NELL2: variants seen among roughly 807,000 people sequenced by gnomAD.
The protein encoded by NELL2 is protein kinase C-binding protein NELL2.
NELL2 carries 41 observed loss-of-function variants against 109.6 expected under a neutral mutation model. The ratio of observed to expected loss-of-function variants is 0.37; its 90% CI spans 0.29 to 0.49. The LOEUF is 0.49. NELL2 is among the 20% of genes least tolerant of loss of function. NELL2 has a pLI of 0.98. For missense variants in NELL2, 900 were observed against 1,008.3 expected (o/e 0.89, Z 1.45); for synonymous variants, 355 against 344.7 (o/e 1.03, Z -0.33).
In NELL2 at chr12:44,616,517, C is replaced by A. The variant is rs117683399; in HGVS notation, c.1445-5547G>T. Among the ~76,000 whole-genome samples the A allele has an allele frequency of 1.7e-3, 264 of 152,158 alleles. 3 individuals carry two copies. The East Asian group carries it at 0.042, about 24-fold the overall frequency. ...TTCCTAGAAACCTGAGAAAAAGCTC[C>A]CTTAGACTTAATGCTAAATAAGTCT... On this transcript the variant is annotated intron_variant, in intron 13 of 19. Transcript: ENST00000429094.
At chr12:44,601,551 C>T (rs1945222868) in intron 15 of NELL2, among the ~76,000 whole-genome samples, 1 of 152,050 alleles carries the variant, frequency 6.6e-6, no homozygotes, top group Non-Finnish European at 1.5e-5. Flanking sequence ...AAACTAGAAT[C>T]CTTTATTGCT....
At chr12:44,671,184 G>A (rs139622741) in intron 12 of NELL2, among the ~76,000 whole-genome samples, 12 of 152,232 alleles carry the variant, frequency 7.9e-5, no homozygotes, top group African/African-American at 2.6e-4. Context: ...ACATGTTCCT[G>A]AGCAACCACT....
intron 12 of NELL2, among the ~76,000 whole-genome samples, chr12:44,675,629 T>C (rs1186461303): frequency 1.3e-5 from 2 of 152,090 alleles, no homozygotes; most frequent in Admixed American, 6.6e-5. Flanking sequence ...ACCCCAGTAA[T>C]TTAGAATTGA....
rs1203568127 is a variant in NELL2 at position 44,613,767 on chromosome 12, A to G, written c.1445-2797T>C. Among the ~76,000 whole-genome samples the G allele has an allele frequency of 2.0e-5, 3 of 152,190 alleles. No homozygotes were observed. In the East Asian group the frequency reaches 5.8e-4, roughly 29 times the overall value. ...ACAAAAACAGAATATAAATGAAGCA[A>G]CAAGCAAATATTCTGTAAAGTCATC... On this transcript the variant is annotated intron_variant, in intron 13 of 19. Coordinates refer to ENST00000429094, the MANE Select transcript of NELL2 (RefSeq NM_001145108.2).
intron 15 of NELL2, among the ~76,000 whole-genome samples, chr12:44,558,267 A>G (rs976159414): frequency 1.3e-5 from 2 of 152,230 alleles, no homozygotes; most frequent in African/African-American, 4.8e-5. Flanking sequence ...CACTATTTCT[A>G]GCTGCATAAA....
chr12:44,768,651 CTG>C lies in NELL2; in HGVS notation c.994+6094_994+6095del, dbSNP rs576026388. 1.2e-4 allele frequency among the ~76,000 whole-genome samples: 19 copies of C among 152,264 alleles called. No homozygotes were observed. In the East Asian group the frequency reaches 3.7e-3, roughly 29 times the overall value. ...CATTAGCTTTCAGCTCAATTTTTTGCTGTGTCATAAAATTCCTTATTCACTAC... is the reference window on the plus strand; with the variant it reads ...CATTAGCTTTCAGCTCAATTTTTTGCTGTCATAAAATTCCTTATTCACTAC... On this transcript the variant is annotated intron_variant, in intron 9 of 19. Transcript: ENST00000429094.
intron 15 of NELL2, among the ~76,000 whole-genome samples, chr12:44,576,671 G>T (rs1200362888): frequency 2.6e-5 from 4 of 151,956 alleles, no homozygotes; most frequent in African/African-American, 9.7e-5. Flanking sequence ...CTAGCATTAG[G>T]TATATCTCCC....
chr12:44,746,485 A>C (rs1940363052), intron 9 of NELL2, among the ~76,000 whole-genome samples: 1 of 152,242 alleles, frequency 6.6e-6, no homozygotes, highest in South Asian at 2.1e-4. Flanking sequence ...GCACAGCAAA[A>C]GAAACTACCA....
At position 44,736,862 on chromosome 12, in the gene NELL2, T is replaced by C. The variant is rs185363248; in HGVS notation, c.995-22121A>G. ...CATCGTGTAATACTGCCTTCAAACC[T>C]ATATATGCAAGCATAAATTTAATTT... On this transcript the variant is annotated intron_variant, in intron 9 of 19. Coordinates refer to ENST00000429094, the MANE Select transcript of NELL2 (RefSeq NM_001145108.2). Among the ~76,000 whole-genome samples, 466 of 152,190 alleles carry C rather than the reference T, an allele frequency of 3.1e-3. 4 individuals are homozygous for C. Among genetic ancestry groups the C allele is most frequent in the African/African-American group, 0.011 (441 of 41,562 alleles).
intron 8 of NELL2, among the ~76,000 whole-genome samples, 172 bp from the exon 9 acceptor site, chr12:44,775,021 G>A (rs1941696356): frequency 6.6e-6 from 1 of 152,166 alleles, no homozygotes; most frequent in African/African-American, 2.4e-5. Flanking sequence ...GCGCCAAACT[G>A]GAGACAGGAC....
intron 3 of NELL2, among the ~76,000 whole-genome samples, chr12:44,800,321 C>T (rs1040931888): frequency 2.6e-5 from 4 of 151,928 alleles, no homozygotes; most frequent in Non-Finnish European, 5.9e-5. Flanking sequence ...AGGAATTTGG[C>T]GATATCTTAA....
chr12:44,610,946 T>C lies in NELL2; in HGVS notation c.1469A>G (p.Gln490Arg), dbSNP rs769717858. The C allele has an allele frequency of 1.1e-5, 18 of 1,612,766 alleles. No individual in the cohort carries two copies. The highest frequency in any genetic ancestry group is 1.6e-4 in the Middle Eastern group (1 of 6,076). ...CTEHDECITN[Q>R]HNCDENALCF... is the part of the protein sequence containing the mutation. ...TAAAGCATTTTCATCACAGTTGTGC[T>C]GATTTGTGATACACTCATCATGTTC... Residue 490 changes from glutamine to arginine, a missense_variant, in exon 14 of 20, where the codon CAG (glutamine) becomes CGG (arginine). This residue lies in a region of NELL2 where 333 missense variants were observed against 432.3 expected (regional missense o/e 0.77). Coordinates refer to ENST00000429094, the MANE Select transcript of NELL2 (RefSeq NM_001145108.2).
At chr12:44,677,971 C>G (rs998363434) in intron 12 of NELL2, among the ~76,000 whole-genome samples, 13 of 152,056 alleles carry the variant, frequency 8.5e-5, no homozygotes, top group African/African-American at 3.1e-4. Flanking sequence ...ACTCAGGAAA[C>G]AGCACTGGGC....
At chr12:44,565,860 G>A (rs1943637623) in intron 15 of NELL2, among the ~76,000 whole-genome samples, 1 of 152,152 alleles carries the variant, frequency 6.6e-6, no homozygotes, top group South Asian at 2.1e-4. Context: ...AGATGAAGCT[G>A]GAGTGGCAAG....
intron 9 of NELL2, among the ~76,000 whole-genome samples, chr12:44,727,761 C>A (rs1244432211): frequency 6.6e-6 from 1 of 151,828 alleles, no homozygotes; most frequent in East Asian, 1.9e-4. Flanking sequence ...AATGAAACAT[C>A]GAGGTTAAAA....
intron 12 of NELL2, among the ~76,000 whole-genome samples, chr12:44,666,070 T>G (rs1395104891): frequency 6.6e-6 from 1 of 152,160 alleles, no homozygotes; most frequent in Non-Finnish European, 1.5e-5. Flanking sequence ...CTTAAAGATA[T>G]GAAGCCAATT....
At position 44,608,649 on chromosome 12, in the gene NELL2, C is replaced by T. The variant is rs148763518; in HGVS notation, c.1568-1385G>A. Reference sequence around the variant, plus strand: ...CTGCATCTGTTCATAATTTTCAGAGCTCTTTATTCTATGAACTTTATTCTT... The same window carrying T: ...CTGCATCTGTTCATAATTTTCAGAGTTCTTTATTCTATGAACTTTATTCTT... On this transcript the variant is annotated intron_variant, in intron 14 of 19. Transcript: ENST00000429094. Among the ~76,000 whole-genome samples, 286 of 151,900 alleles carry T rather than the reference C, an allele frequency of 1.9e-3. 1 individual carries two copies. Among genetic ancestry groups the T allele is most frequent in the African/African-American group, 6.3e-3 (260 of 41,430 alleles).
chr12:44,768,114 G>C (rs755231762), intron 9 of NELL2, among the ~76,000 whole-genome samples: 1 of 152,102 alleles, frequency 6.6e-6, no homozygotes, highest in Non-Finnish European at 1.5e-5. Flanking sequence ...GCTATGAGCT[G>C]ACTAATTAAC....
intron 15 of NELL2, among the ~76,000 whole-genome samples, chr12:44,582,759 T>A (rs1414032683): frequency 6.6e-6 from 1 of 152,122 alleles, no homozygotes; most frequent in Admixed American, 6.5e-5. Flanking sequence ...ATGGTTTGAA[T>A]GTGTCACTCA....
Sources: gnomAD v4.1 joint callset for allele counts (sites outside exome capture counted in the v4.1 genomes callset) on GRCh38, gnomAD v4.1.1 for gene constraint, gnomAD v4.1.1 regional missense constraint, MANE v1.5 for transcripts, NCBI Gene and HGNC (gene_info 2026-07-23, HGNC 2026-07-21) for gene names.